TTC28: variants seen among roughly 807,000 people sequenced by gnomAD.
The protein encoded by TTC28 is tetratricopeptide repeat protein 28.
In TTC28, 61 loss-of-function variants were observed where a neutral mutation model predicts 198.0. The observed-to-expected ratio is 0.31, with a 90% CI of 0.25 to 0.38. TTC28 has a LOEUF of 0.38. TTC28 is among the 10% of genes least tolerant of loss of function. TTC28 has a pLI of 1.00. For synonymous variants in TTC28, 1,171 were observed against 1,297.8 expected (o/e 0.90, Z 2.10); for missense variants, 2,678 against 3,164.0 (o/e 0.85, Z 3.69).
In TTC28 at chr22:27,989,948, A is replaced by G. The variant is rs1030344315; in HGVS notation, c.5637T>C (p.Ala1879=). 1 of 1,551,352 alleles carries G rather than the reference A, an allele frequency of 6.4e-7. No homozygotes were observed. The highest frequency in any genetic ancestry group is 8.7e-7 in the Non-Finnish European group (1 of 1,146,936). ...GGACGCTGATGGAGACCTGAATGGG[A>G]GCTGATGCCAAGTCCTGCTCCTTCT... ...AGEKEQDLAS[A]PIQVSISVQL... The change falls in exon 21 of 23, where the codon GCT becomes GCC. Residue 1879 remains alanine, a synonymous_variant. Coordinates refer to ENST00000397906, the MANE Select transcript of TTC28 (RefSeq NM_001145418.2).
intron 2 of TTC28, among the ~76,000 whole-genome samples, chr22:28,379,571 T>G (rs976716895): frequency 6.6e-6 from 1 of 152,140 alleles, no homozygotes; most frequent in Non-Finnish European, 1.5e-5. Context: ...GTAGCTAGAA[T>G]AGTCAAGTTC....
intron 2 of TTC28, among the ~76,000 whole-genome samples, chr22:28,561,364 C>G (rs1228605388): frequency 6.6e-6 from 1 of 152,212 alleles, no homozygotes. Context: ...GCGTGAGACA[C>G]CACGCCCGGC....
intron 2 of TTC28, among the ~76,000 whole-genome samples, chr22:28,605,107 C>A (rs2050708891): frequency 6.6e-6 from 1 of 152,184 alleles, no homozygotes; most frequent in Non-Finnish European, 1.5e-5. Context: ...TCCTTCACAG[C>A]ATGATTTCTC....
intron 2 of TTC28, among the ~76,000 whole-genome samples, chr22:28,423,934 G>A (rs1000077485): frequency 1.3e-5 from 2 of 152,110 alleles, no homozygotes; most frequent in African/African-American, 4.8e-5. Flanking sequence ...ATCTGCAAAG[G>A]CCAAAATTTT....
chr22:28,492,025 C>T (rs1313276831), intron 2 of TTC28, among the ~76,000 whole-genome samples: 1 of 151,956 alleles, frequency 6.6e-6, no homozygotes, highest in Non-Finnish European at 1.5e-5. Flanking sequence ...AAAACAAACA[C>T]CGCATGTTTT....
chr22:28,623,240 C>T (rs914091517), intron 2 of TTC28, among the ~76,000 whole-genome samples: 4 of 152,132 alleles, frequency 2.6e-5, no homozygotes, highest in African/African-American at 9.7e-5. Context: ...GCATGCACCA[C>T]CACACCCAGG....
At chr22:28,147,263 T>C (rs1366073421) in intron 6 of TTC28, among the ~76,000 whole-genome samples, 2 of 152,252 alleles carry the variant, frequency 1.3e-5, no homozygotes, top group Non-Finnish European at 2.9e-5. Context: ...TTACTAATTA[T>C]GCTGAAGAGT....
intron 2 of TTC28, among the ~76,000 whole-genome samples, chr22:28,590,034 CAAAAAA>C (rs71194779): frequency 4.1e-4 from 28 of 68,046 alleles, no homozygotes; most frequent in South Asian, 8.1e-4. Context: ...AAGACTCCAT[CAAAAAA>C]AAAAAAAAAA....
At chr22:28,012,001 G>C (rs1046714644) in intron 14 of TTC28, among the ~76,000 whole-genome samples, 1 of 152,198 alleles carries the variant, frequency 6.6e-6, no homozygotes, top group Non-Finnish European at 1.5e-5. Flanking sequence ...GCCTCAGAAG[G>C]CCCAAGTGGG....
chr22:28,084,767 A>C (rs1361770210), intron 12 of TTC28, among the ~76,000 whole-genome samples: 1 of 152,162 alleles, frequency 6.6e-6, no homozygotes, highest in African/African-American at 2.4e-5. Context: ...CTTTGAAAAA[A>C]AATTAGACGA....
intron 14 of TTC28, among the ~76,000 whole-genome samples, chr22:28,010,795 G>A (rs1166420641): frequency 1.3e-5 from 2 of 152,184 alleles, no homozygotes; most frequent in African/African-American, 2.4e-5. Flanking sequence ...ACCCAAGAGC[G>A]GCCATGAAAA....
At chr22:28,194,362 A>G (rs951532832) in intron 5 of TTC28, among the ~76,000 whole-genome samples, 1 of 152,206 alleles carries the variant, frequency 6.6e-6, no homozygotes, top group Non-Finnish European at 1.5e-5. Context: ...TGAACATCAC[A>G]ATTAAAAGAA....
chr22:28,192,179 G>C (rs1039666490), intron 5 of TTC28, among the ~76,000 whole-genome samples: 1 of 152,166 alleles, frequency 6.6e-6, no homozygotes, highest in Non-Finnish European at 1.5e-5. Flanking sequence ...AGGCAAACAG[G>C]GTCTGGAGTG....
At chr22:28,597,812 G>A (rs2050566984) in intron 2 of TTC28, among the ~76,000 whole-genome samples, 1 of 152,024 alleles carries the variant, frequency 6.6e-6, no homozygotes, top group South Asian at 2.1e-4. Context: ...GGTGGGGAGG[G>A]AGAGGGTTTT....
At chr22:28,087,000 G>A (rs565408037) in intron 12 of TTC28, among the ~76,000 whole-genome samples, 6 of 152,238 alleles carry the variant, frequency 3.9e-5, no homozygotes, top group East Asian at 1.9e-4. Context: ...AACAGGCTCC[G>A]AAATTGTAGC....
chr22:28,145,349 A>G (rs1285354571), intron 6 of TTC28, among the ~76,000 whole-genome samples: 1 of 152,160 alleles, frequency 6.6e-6, no homozygotes, highest in African/African-American at 2.4e-5. Context: ...AGCTCACGTT[A>G]GGCTGCTTGA....
intron 5 of TTC28, among the ~76,000 whole-genome samples, chr22:28,260,030 T>C (rs1230295431): frequency 2.0e-5 from 3 of 152,180 alleles, no homozygotes; most frequent in African/African-American, 4.8e-5. Flanking sequence ...AATTCTTATA[T>C]TTTCAGTTGA....
chr22:28,567,479 CATATATATATAT>C lies in TTC28; in HGVS notation c.381+62061_381+62072del, dbSNP rs398040471. 1.7e-3 allele frequency among the ~76,000 whole-genome samples: 86 copies of C among 51,144 alleles called. 2 individuals are homozygous for C. The highest frequency in any genetic ancestry group is 7.1e-3 in the Admixed American group (20 of 2,834). 33.6% of individuals were successfully genotyped at this position (51,144 alleles called of 152,430 possible). ...CACACCACACGCATATACATACATA[CATATATATATAT>C]ATATATATATATATATATGTTTTTA... On this transcript the variant is annotated intron_variant, in intron 2 of 22. Coordinates refer to ENST00000397906, the MANE Select transcript of TTC28 (RefSeq NM_001145418.2).
rs138002225 is a variant in TTC28, at chr22:28,495,115, A to C, written c.381+134437T>G. ...TCCTGAGATTCAATATCTGAATAAA[A>C]ATAGTTCAAGGAAATCAGAAAACAA... On this transcript the variant is annotated intron_variant, in intron 2 of 22. Transcript: ENST00000397906. Among the ~76,000 whole-genome samples, 17 of 152,308 alleles carry C rather than the reference A, an allele frequency of 1.1e-4. No homozygotes were observed. The East Asian group carries it at 3.3e-3, about 29-fold the overall frequency.
Sources: gnomAD v4.1 joint callset for allele counts (sites outside exome capture counted in the v4.1 genomes callset) on GRCh38, gnomAD v4.1.1 for gene constraint, MANE v1.5 for transcripts, NCBI Gene and HGNC (gene_info 2026-07-23, HGNC 2026-07-21) for gene names.